Variants in EPB41L4A observed in about 807,000 individuals in gnomAD.
The protein encoded by EPB41L4A is erythrocyte membrane protein band 4.1 like 4A.
A neutral mutation model predicts 108.6 loss-of-function variants in EPB41L4A; 100 were observed. The observed-to-expected ratio is 0.92, with a 90% confidence interval of 0.78 to 1.09. EPB41L4A has a LOEUF of 1.09. Ranked by LOEUF, EPB41L4A falls within the 50% of genes least tolerant of loss-of-function variation. EPB41L4A has a pLI of 0.00. For missense variants in EPB41L4A, 1,030 were observed against 842.7 expected (o/e 1.22, Z -2.75); for synonymous variants, 319 against 289.0 (o/e 1.10, Z -1.05).
At position 112,306,970 on chromosome 5, in the gene EPB41L4A, CT is replaced by C. The variant is rs201741424; in HGVS notation, c.204+415del. ...CTCACTTATAAAACTTAGGTAGTCACTTTTTTTTTTACACTGTTATTTCTTC... is the reference window on the plus strand; with the variant it reads ...CTCACTTATAAAACTTAGGTAGTCACTTTTTTTTTACACTGTTATTTCTTC... On this transcript the variant is annotated intron_variant, in intron 2 of 22. Coordinates refer to ENST00000261486, the MANE Select transcript of EPB41L4A (RefSeq NM_022140.5). 1.7e-4 allele frequency among the ~76,000 whole-genome samples: 26 copies of C among 148,992 alleles called. No homozygotes were observed. In the East Asian group the frequency reaches 2.0e-3, roughly 11 times the overall value.
intron 1 of EPB41L4A, among the ~76,000 whole-genome samples, chr5:112,361,959 T>C (rs1407655700): frequency 6.6e-6 from 1 of 152,174 alleles, no homozygotes; most frequent in Non-Finnish European, 1.5e-5. Context: ...ATGTTAGCCT[T>C]TTTCCTTCCT....
At chr5:112,258,551 G>T (rs1244170379) in intron 9 of EPB41L4A, among the ~76,000 whole-genome samples, 2 of 152,124 alleles carry the variant, frequency 1.3e-5, no homozygotes, top group Non-Finnish European at 2.9e-5. Context: ...GTTTACACTA[G>T]TAGCACTTCA....
chr5:112,285,395 A>G (rs1389257377), intron 2 of EPB41L4A, among the ~76,000 whole-genome samples: 1 of 152,184 alleles, frequency 6.6e-6, no homozygotes, highest in Non-Finnish European at 1.5e-5. Context: ...TAATTCACAT[A>G]TATGTTTCAA....
chr5:112,229,516 G>A (rs1469283963), intron 12 of EPB41L4A, among the ~76,000 whole-genome samples: 1 of 152,046 alleles, frequency 6.6e-6, no homozygotes, highest in Non-Finnish European at 1.5e-5. Context: ...CATCACCCAA[G>A]CAGTGTACAC....
At chr5:112,401,335 G>C (rs1040168782) in intron 1 of EPB41L4A, among the ~76,000 whole-genome samples, 4 of 152,114 alleles carry the variant, frequency 2.6e-5, no homozygotes, top group African/African-American at 9.7e-5. Flanking sequence ...CATCAAACAT[G>C]CATTTAACGT....
At chr5:112,168,374 A>G (rs1482224588) in intron 22 of EPB41L4A, among the ~76,000 whole-genome samples, 2 of 152,244 alleles carry the variant, frequency 1.3e-5, no homozygotes, top group Non-Finnish European at 2.9e-5. Context: ...TCAGTTAACA[A>G]AGTGAGTCTA....
intron 15 of EPB41L4A, among the ~76,000 whole-genome samples, chr5:112,200,189 T>G (rs1762153831): frequency 2.0e-5 from 3 of 152,228 alleles, no homozygotes; most frequent in African/African-American, 7.2e-5. Context: ...CCAATGCTTT[T>G]GCACATGCTA....
At chr5:112,357,857 T>C (rs1396999923) in intron 1 of EPB41L4A, among the ~76,000 whole-genome samples, 2 of 152,212 alleles carry the variant, frequency 1.3e-5, no homozygotes, top group East Asian at 3.9e-4. Context: ...GTAAAAATTA[T>C]TTTTGTCCCT....
downstream of EPB41L4A, among the ~76,000 whole-genome samples, chr5:112,157,925 G>C (rs1239158706): frequency 6.6e-6 from 1 of 152,226 alleles, no homozygotes; most frequent in East Asian, 1.9e-4. Context: ...AGGCAAGGAG[G>C]AAGCAGAGAC....
At chr5:112,170,053 A>C in intron 20 of EPB41L4A, 1 of 441,670 alleles carries the variant, frequency 2.3e-6, no homozygotes, top group Non-Finnish European at 3.9e-6. Flanking sequence ...TAAAACTGAC[A>C]TTAATCAGGA....
chr5:112,294,255 T>C (rs989486017), intron 2 of EPB41L4A, among the ~76,000 whole-genome samples: 2 of 152,188 alleles, frequency 1.3e-5, no homozygotes, highest in African/African-American at 4.8e-5. Flanking sequence ...GGAGAGGCCT[T>C]TCATAAGAGA....
At chr5:112,306,901 A>G (rs747808564) in intron 2 of EPB41L4A, among the ~76,000 whole-genome samples, 35 of 152,304 alleles carry the variant, frequency 2.3e-4, no homozygotes, top group Non-Finnish European at 4.7e-4. Flanking sequence ...CATCAGGTTC[A>G]TGAACAAAAA....
intron 1 of EPB41L4A, among the ~76,000 whole-genome samples, chr5:112,319,441 C>A (rs1456315667): frequency 1.3e-5 from 2 of 152,130 alleles, no homozygotes; most frequent in Non-Finnish European, 2.9e-5. Context: ...TCATTAAGTA[C>A]AACTGATTTG....
intron 9 of EPB41L4A, among the ~76,000 whole-genome samples, chr5:112,249,839 A>G (rs572971055): frequency 1.3e-5 from 2 of 152,290 alleles, no homozygotes; most frequent in East Asian, 3.9e-4. Flanking sequence ...ACACTGGGCT[A>G]AACACTCAGA....
rs542561431 is a variant in EPB41L4A, at chr5:112,302,249, T to C, written c.204+5137A>G. On this transcript the variant is annotated intron_variant, in intron 2 of 22. Transcript: ENST00000261486. ...GACCAGGTATGGTGGCTCACACCTA[T>C]AATCCTAGCACTTTGGGAGGCTGAG... is the stretch of plus-strand genomic sequence containing the variant. Among the ~76,000 whole-genome samples the C allele has an allele frequency of 4.6e-4, 70 of 152,286 alleles. 2 individuals are homozygous for C. In the South Asian group the frequency reaches 0.014, roughly 31 times the overall value.
At chr5:112,345,835 C>T (rs1185383286) in intron 1 of EPB41L4A, among the ~76,000 whole-genome samples, 1 of 150,604 alleles carries the variant, frequency 6.6e-6, no homozygotes, top group Non-Finnish European at 1.5e-5. Context: ...ACACATAAAG[C>T]CCCAGCAACC....
chr5:112,146,197 T>C (rs1759250138), intron 12 of EPB41L4A, among the ~76,000 whole-genome samples: 1 of 152,222 alleles, frequency 6.6e-6, no homozygotes, highest in Non-Finnish European at 1.5e-5. Context: ...ATCGCGATCC[T>C]CAAACTTCTG....
chr5:112,261,799 G>C (rs1376066466), intron 7 of EPB41L4A, among the ~76,000 whole-genome samples: 1 of 151,966 alleles, frequency 6.6e-6, no homozygotes, highest in Non-Finnish European at 1.5e-5. Context: ...TACCTGGCAA[G>C]TGATTGTATT....
Position 112,164,750 on chromosome 5 carries a change from G to A in EPB41L4A, c.*240C>T, listed in dbSNP as rs56321222. 22 of 291,784 alleles carry A rather than the reference G, an allele frequency of 7.5e-5. No homozygotes were observed. The highest frequency in any genetic ancestry group is 4.3e-4 in the African/African-American group (19 of 44,568). The allele number at this position is 291,784 out of a possible 1,614,324, so 18.1% of individuals were successfully genotyped here. On this transcript the variant is annotated 3_prime_UTR_variant, in exon 23 of 23. Coordinates refer to ENST00000261486, the MANE Select transcript of EPB41L4A (RefSeq NM_022140.5). Reference sequence around the variant, plus strand: ...CTCGGGAGCCTGAGACAGGAGAATCGCTTAACCCAGTAAGTGGAGGCTGCG... The same window carrying A: ...CTCGGGAGCCTGAGACAGGAGAATCACTTAACCCAGTAAGTGGAGGCTGCG...
Sources: gnomAD v4.1 joint callset for allele counts (sites outside exome capture counted in the v4.1 genomes callset) on GRCh38, gnomAD v4.1.1 for gene constraint, MANE v1.5 for transcripts, NCBI Gene and HGNC (gene_info 2026-07-23, HGNC 2026-07-21) for gene names.